The following NR3C2 variants were observed in gnomAD, a reference collection of about 807,000 sequenced individuals.
NR3C2 encodes the protein mineralocorticoid receptor.
Under a neutral mutation model 86.4 loss-of-function variants are expected in NR3C2, and 15 were observed. That is an observed-to-expected ratio of 0.17 (90% CI 0.12 to 0.27). The LOEUF (loss-of-function observed/expected upper bound fraction) is 0.27. NR3C2 is among the 10% of genes least tolerant of loss of function. The pLI is 1.00. For missense variants in NR3C2, 960 were observed against 1,195.6 expected (o/e 0.80, Z 2.91); for synonymous variants, 458 against 450.5 (o/e 1.02, Z -0.21).
chr4:148,269,497 C>T (rs1002182348), intron 2 of NR3C2, among the ~76,000 whole-genome samples: 27 of 152,058 alleles, frequency 1.8e-4, no homozygotes, highest in African/African-American at 5.1e-4. Flanking sequence ...AAACCATATC[C>T]GATAGTATGC....
At chr4:148,364,359 T>C (rs1746003759) in intron 2 of NR3C2, among the ~76,000 whole-genome samples, 1 of 152,190 alleles carries the variant, frequency 6.6e-6, no homozygotes, top group South Asian at 2.1e-4. Flanking sequence ...ATTACAGAAT[T>C]GGAGATTACA....
At chr4:148,444,959 C>A (rs776777418), upstream of NR3C2, 3 of 984,922 alleles carry the variant, frequency 3.0e-6, no homozygotes, top group East Asian at 1.1e-4. Flanking sequence ...CTCCGGCGGC[C>A]GAGCGCGTGT....
chr4:148,433,469 G>A (rs1359018710), intron 2 of NR3C2, among the ~76,000 whole-genome samples: 3 of 151,796 alleles, frequency 2.0e-5, no homozygotes, highest in Non-Finnish European at 4.4e-5. Flanking sequence ...TGAAGAAAAA[G>A]AAAACTAAAA....
chr4:148,435,025 T>G, intron 2 of NR3C2, 79 bp downstream of exon 2: 1 of 1,351,966 alleles, frequency 7.4e-7, no homozygotes, highest in Non-Finnish European at 1.1e-6. Flanking sequence ...GTGTTTAAAT[T>G]TATCAACTGT....
intron 2 of NR3C2, among the ~76,000 whole-genome samples, chr4:148,319,354 A>G (rs1743419235): frequency 6.6e-6 from 1 of 152,132 alleles, no homozygotes; most frequent in South Asian, 2.1e-4. Context: ...TGACTTGGCG[A>G]TGTGGGCTCT....
At chr4:148,241,123 T>C (rs999816982) in intron 3 of NR3C2, among the ~76,000 whole-genome samples, 1 of 151,570 alleles carries the variant, frequency 6.6e-6, no homozygotes, top group African/African-American at 2.4e-5. Flanking sequence ...CTGGCCAACA[T>C]GGTGAAACCC....
At chr4:148,258,232 G>A (rs1474468278) in intron 3 of NR3C2, among the ~76,000 whole-genome samples, 1 of 152,142 alleles carries the variant, frequency 6.6e-6, no homozygotes, top group Admixed American at 6.5e-5. Flanking sequence ...CTAATTAAGT[G>A]AGCCAGAAAG....
In NR3C2 at chr4:148,141,205, G is replaced by T. The variant is rs1578930371; in HGVS notation, c.2510+11264C>A. 2.0e-5 allele frequency among the ~76,000 whole-genome samples: 3 copies of T among 152,104 alleles called. No homozygotes were observed. In the South Asian group the frequency reaches 6.2e-4, roughly 32 times the overall value. Reference sequence around the variant, plus strand: ...CCCAGCACTTTGGGAGGCCAAGGTGGGTGGATCACTTGAGGTCAGGAGTTT... The same window carrying T: ...CCCAGCACTTTGGGAGGCCAAGGTGTGTGGATCACTTGAGGTCAGGAGTTT... On this transcript the variant is annotated intron_variant, in intron 6 of 8. Coordinates refer to ENST00000358102, the MANE Select transcript of NR3C2 (RefSeq NM_000901.5).
intron 2 of NR3C2, among the ~76,000 whole-genome samples, chr4:148,359,544 A>T (rs2137331): frequency 0.47 from 71,434 of 151,996 alleles, 17,277 homozygotes; most frequent in East Asian, 0.73. Context: ...TAAATTTTAT[A>T]TGTGCCAAAA....
intron 6 of NR3C2, among the ~76,000 whole-genome samples, chr4:148,148,307 G>C (rs1487095134): frequency 6.6e-6 from 1 of 152,144 alleles, no homozygotes; most frequent in East Asian, 1.9e-4. Context: ...AATTCTTGTT[G>C]ATTTCACCTT....
intron 6 of NR3C2, among the ~76,000 whole-genome samples, chr4:148,120,934 C>T (rs1012163512): frequency 6.6e-6 from 1 of 152,180 alleles, no homozygotes; most frequent in Admixed American, 6.5e-5. Flanking sequence ...CCAAACAATA[C>T]CCTCACACCA....
Position 148,181,125 on chromosome 4 carries a change from G to C in NR3C2, c.2014+13621C>G, listed in dbSNP as rs140859386. ...ATTTCTGAGATTAAGGAAAACTACA[G>C]ATACTTGTTGGAAGTACATTGGAAC... On this transcript the variant is annotated intron_variant, in intron 4 of 8. Transcript: ENST00000358102. 3.5e-4 allele frequency among the ~76,000 whole-genome samples: 53 copies of C among 152,316 alleles called. 1 individual carries two copies. The highest frequency in any genetic ancestry group is 3.0e-3 in the Admixed American group (46 of 15,302).
intron 7 of NR3C2, among the ~76,000 whole-genome samples, chr4:148,118,440 T>A (rs1229606527): frequency 6.6e-6 from 1 of 152,180 alleles, no homozygotes; most frequent in African/African-American, 2.4e-5. Context: ...CTCTGACAGT[T>A]GTCTCTGTCC....
At chr4:148,210,959 G>T (rs1455493467) in intron 3 of NR3C2, among the ~76,000 whole-genome samples, 1 of 152,136 alleles carries the variant, frequency 6.6e-6, no homozygotes, top group Non-Finnish European at 1.5e-5. Context: ...CTATGGTCCT[G>T]AAAAGAGGAA....
intron 2 of NR3C2, among the ~76,000 whole-genome samples, chr4:148,278,126 G>A (rs1741050238): frequency 1.3e-5 from 2 of 151,990 alleles, no homozygotes; most frequent in African/African-American, 4.8e-5. Flanking sequence ...GTTTGAGACA[G>A]GTTCTCGCTC....
chr4:148,126,254 T>C (rs182732564), intron 6 of NR3C2, among the ~76,000 whole-genome samples: 1 of 152,362 alleles, frequency 6.6e-6, no homozygotes, highest in Admixed American at 6.5e-5. Context: ...ATAATTCCAA[T>C]CTTGCAGGGA....
At chr4:148,254,564 T>C (rs1268149175) in intron 3 of NR3C2, among the ~76,000 whole-genome samples, 2 of 152,156 alleles carry the variant, frequency 1.3e-5, no homozygotes, top group African/African-American at 4.8e-5. Flanking sequence ...GGGCAAACAT[T>C]TGCCATTAGC....
At chr4:148,150,434 T>C (rs1403152228) in intron 6 of NR3C2, among the ~76,000 whole-genome samples, 1 of 152,242 alleles carries the variant, frequency 6.6e-6, no homozygotes, top group Non-Finnish European at 1.5e-5. Flanking sequence ...CACACCTATT[T>C]TCTCTGTGAG....
chr4:148,287,287 T>C (rs926937570), intron 2 of NR3C2, among the ~76,000 whole-genome samples: 7 of 152,234 alleles, frequency 4.6e-5, no homozygotes, highest in African/African-American at 1.7e-4. Context: ...GAAGGCTTCC[T>C]ATCTGATGCT....
Sources: gnomAD v4.1 joint callset for allele counts (sites outside exome capture counted in the v4.1 genomes callset) on GRCh38, gnomAD v4.1.1 for gene constraint, MANE v1.5 for transcripts, NCBI Gene and HGNC (gene_info 2026-07-23, HGNC 2026-07-21) for gene names.